The following KCNN4 variants were observed in gnomAD, a reference collection of about 807,000 sequenced individuals.
KCNN4 encodes the protein intermediate conductance calcium-activated potassium channel protein 4.
Under a neutral mutation model 45.2 loss-of-function variants are expected in KCNN4, and 31 were observed. That is an observed-to-expected ratio of 0.69 (90% CI 0.52 to 0.92). The LOEUF (loss-of-function observed/expected upper bound fraction) is 0.92, where lower values mean the gene tolerates loss of function less well. KCNN4 is among the 40% of genes least tolerant of loss of function. The pLI is 0.00. For synonymous variants in KCNN4, 231 were observed against 254.6 expected (o/e 0.91, Z 0.88); for missense variants, 463 against 574.0 (o/e 0.81, Z 1.98).
At chr19:43,779,851 C>T (rs1568396516) in intron 1 of KCNN4, among the ~76,000 whole-genome samples, 1 of 152,146 alleles carries the variant, frequency 6.6e-6, no homozygotes, top group Non-Finnish European at 1.5e-5. Context: ...GTAAGCCTAC[C>T]TCTCCACTAT....
At chr19:43,776,492 C>G (rs375169699) in intron 2 of KCNN4, 49 bp downstream of exon 2, 1 of 1,256,018 alleles carries the variant, frequency 8.0e-7, no homozygotes, top group African/African-American at 1.5e-5. Flanking sequence ...GCTGACAGGG[C>G]GCTGAGGGGG....
intron 2 of KCNN4, among the ~76,000 whole-genome samples, chr19:43,775,121 T>A (rs1198467501): frequency 6.6e-6 from 1 of 151,708 alleles, no homozygotes; most frequent in Non-Finnish European, 1.5e-5. Flanking sequence ...AGGTCAAGAG[T>A]TTGAGACAAG....
intron 2 of KCNN4, among the ~76,000 whole-genome samples, chr19:43,775,303 G>A (rs1415739458): frequency 1.3e-5 from 2 of 152,164 alleles, no homozygotes; most frequent in Non-Finnish European, 2.9e-5. Context: ...CTCTAGCCTG[G>A]GTGACAGAGC....
In KCNN4 at chr19:43,776,688, TG is replaced by T. The variant is rs1433564305; in HGVS notation, c.160-53del. The T allele has an allele frequency of 4.4e-6, 5 of 1,143,992 alleles. No individual in the cohort carries two copies. In the South Asian group the frequency reaches 6.2e-5, roughly 14 times the overall value. The allele number at this position is 1,143,992 out of a possible 1,614,324, so 70.9% of individuals were successfully genotyped here. A position where few individuals can be genotyped will look rare whatever the true frequency, so the allele number is the denominator to read the frequency against. On this transcript the variant is annotated intron_variant, in intron 1 of 8. Coordinates refer to ENST00000648319, the MANE Select transcript of KCNN4 (RefSeq NM_002250.3). ...GTGAGATCCCAGGTCTCCCTCCGCC[TG>T]GCCCTCCACCTTTCCTTCAAAACCA...
intron 4 of KCNN4, among the ~76,000 whole-genome samples, chr19:43,770,646 TC>T (rs1185398123): frequency 6.6e-6 from 1 of 152,198 alleles, no homozygotes; most frequent in Non-Finnish European, 1.5e-5. Context: ...ATTTAATCTC[TC>T]AGTATTTCAG....
chr19:43,777,620 G>A (rs114588226), intron 1 of KCNN4, among the ~76,000 whole-genome samples: 54 of 151,100 alleles, frequency 3.6e-4, no homozygotes, highest in African/African-American at 1.3e-3. Context: ...CTAAGCCCAG[G>A]GCAGATCTGG....
At position 43,774,656 on chromosome 19, in the gene KCNN4, C is replaced by T; in HGVS notation, c.256-37G>A. On this transcript the variant is annotated intron_variant, in intron 2 of 8. Coordinates refer to ENST00000648319, the MANE Select transcript of KCNN4 (RefSeq NM_002250.3). The surrounding 1 kb of genome is among the most constrained non-coding windows in gnomAD (Gnocchi z 5.6). ...GGGCCAAGAAGGGAGGGGTCAGGAG[C>T]AGGTCAGGCGCAGGTCAGGCGGCGG... 3 of 1,467,874 alleles carry T rather than the reference C, an allele frequency of 2.0e-6. No homozygotes were observed. The highest frequency in any genetic ancestry group is 2.7e-6 in the Non-Finnish European group (3 of 1,117,942). The allele number at this position is 1,467,874 out of a possible 1,614,324, so 90.9% of individuals were successfully genotyped here.
At position 43,774,185 on chromosome 19, in the gene KCNN4, C is replaced by T. The variant is rs777704100; in HGVS notation, c.683+7G>A. 2.5e-6 allele frequency: 4 copies of T among 1,607,150 alleles called. No homozygotes were observed. The highest frequency in any genetic ancestry group is 1.7e-4 in the Middle Eastern group (1 of 6,042). The stretch of plus-strand genomic sequence containing the variant: ...CCCCTGCGCATTTATGCCTCCATCA[C>T]CCTCACCTCTCGGCCACGGACAGCA... On this transcript the variant is annotated splice_region_variant and intron_variant, in intron 3 of 8. Transcript: ENST00000648319. The surrounding 1 kb of genome is among the most constrained non-coding windows in gnomAD (Gnocchi z 5.6).
intron 8 of KCNN4, 180 bp from the exon 9 acceptor site, chr19:43,767,269 G>A (rs1969505432): frequency 4.6e-6 from 2 of 431,382 alleles, no homozygotes; most frequent in Admixed American, 3.5e-5. Flanking sequence ...TGGACAGCCA[G>A]ACAATGTGCC....
rs1385578044 is a variant in KCNN4, at chr19:43,772,140, G to A, written c.684-5C>T. 6.2e-7 allele frequency: 1 copy of A among 1,613,312 alleles called. No homozygotes were observed. The highest frequency in any genetic ancestry group is 1.7e-5 in the Admixed American group (1 of 59,822). On this transcript the variant is annotated splice_polypyrimidine_tract_variant and splice_region_variant and intron_variant, in intron 3 of 8. Coordinates refer to ENST00000648319, the MANE Select transcript of KCNN4 (RefSeq NM_002250.3). The surrounding 1 kb of genome is among the most constrained non-coding windows in gnomAD (Gnocchi z 4.4). ...CCAGTGGCATTAACAGCCTGCCTAT[G>A]GGGAAGGGTAGGTTAGTTCTAAAAC...
chr19:43,768,928 C>T lies in KCNN4; in HGVS notation c.1119+35G>A, dbSNP rs762218576. ...CCCTCCCTGTGGCCCCAACCTCCCC[C>T]TTCTTCAAGACCTCCTCCCACGGGA... On this transcript the variant is annotated intron_variant, in intron 7 of 8. Transcript: ENST00000648319. 4.3e-6 allele frequency: 7 copies of T among 1,611,768 alleles called. No homozygotes were observed. The East Asian group carries it at 6.7e-5, about 15-fold the overall frequency.
rs763598158 is a variant in KCNN4, at chr19:43,769,487, T to G, written c.1004A>C (p.His335Pro). 4 of 1,614,094 alleles carry G rather than the reference T, an allele frequency of 2.5e-6. No homozygotes were observed. In the East Asian group the frequency reaches 8.9e-5, roughly 36 times the overall value. Residue 335 changes from histidine (H) to proline (P), a missense_variant, in exon 6 of 9, where the codon CAT becomes CCT. Around this residue, in one of 3 missense-constraint regions of KCNN4, gnomAD observed 129 missense variants for 149.4 expected, o/e 0.86. Coordinates refer to ENST00000648319, the MANE Select transcript of KCNN4 (RefSeq NM_002250.3). The surrounding 1 kb of genome is among the most constrained non-coding windows in gnomAD (Gnocchi z 4.4). ...FYKHTRRKES[H>P]AARRHQRKLL... ...CTTGCGCTGATGCCTGCGGGCAGCA[T>G]GAGACTCCTTCCTGCGAGTATGTTT... is the stretch of plus-strand genomic sequence containing the variant.
intron 8 of KCNN4, 41 bp from the exon 9 acceptor site, chr19:43,767,130 G>T (rs1479257347): frequency 4.9e-6 from 1 of 206,144 alleles, no homozygotes; most frequent in African/African-American, 2.2e-5. Flanking sequence ...AGGCCAGGAA[G>T]AGGGAGAGTG....
rs1969740164 is a variant in KCNN4, at chr19:43,774,528, C to T, written c.347G>A (p.Gly116Glu). The change falls in exon 3 of 9, where the codon GGG (glycine) becomes GAG (glutamate). Residue 116 changes from glycine (G) to glutamate (E), a missense_variant. Transcript: ENST00000648319. This position sits in a 1 kb window ranked among gnomAD's most constrained non-coding sequence, Gnocchi z 5.6. ...GCCCCGCACGGGCGCCGGGTGCAGCCCACACACCACCAGCTCCAGCACGAT... is the reference window on the plus strand; with the variant it reads ...GCCCCGCACGGGCGCCGGGTGCAGCTCACACACCACCAGCTCCAGCACGAT... ...AQIVLELVVC[G>E]LHPAPVRGPP... is the part of the protein sequence containing the mutation. The T allele has an allele frequency of 6.3e-7, 1 of 1,595,828 alleles. No homozygotes were observed. Among genetic ancestry groups the T allele is most frequent in the Non-Finnish European group, 8.5e-7 (1 of 1,175,812 alleles).
At position 43,769,008 on chromosome 19, in the gene KCNN4, G is replaced by C. The variant is rs748482819; in HGVS notation, c.1074C>G (p.His358Gln). ...AGTTCACTTGTTCCCGGAGCTTCCGGTGTTTCAGCCGCACCTGGCGGAACC... is the reference window on the plus strand; with the variant it reads ...AGTTCACTTGTTCCCGGAGCTTCCGCTGTTTCAGCCGCACCTGGCGGAACC... ...INAFRQVRLK[H>Q]RKLREQVNSM... is the part of the protein sequence containing the mutation. Residue 358 changes from histidine (H) to glutamine (Q), a missense_variant, in exon 7 of 9, where the codon CAC (histidine) becomes CAG (glutamine). Transcript: ENST00000648319. This position sits in a 1 kb window ranked among gnomAD's most constrained non-coding sequence, Gnocchi z 4.4. 3.1e-6 allele frequency: 5 copies of C among 1,613,990 alleles called. No homozygotes were observed. Among genetic ancestry groups the C allele is most frequent in the Non-Finnish European group, 4.2e-6 (5 of 1,179,956 alleles).
At chr19:43,776,061 G>A (rs1371070161) in intron 2 of KCNN4, among the ~76,000 whole-genome samples, 1 of 150,140 alleles carries the variant, frequency 6.7e-6, no homozygotes, top group African/African-American at 2.5e-5. Context: ...CCAGGAGGTG[G>A]AGGTTGCAGT....
rs142498370 is a variant in KCNN4 at position 43,769,245 on chromosome 19, C to T, written c.1049+197G>A. Reference sequence around the variant, plus strand: ...CAGGTACCCAGGTCCGCAGACACACCGAGATATGCGGAGACAAACCAGCAC... The same window carrying T: ...CAGGTACCCAGGTCCGCAGACACACTGAGATATGCGGAGACAAACCAGCAC... On this transcript the variant is annotated intron_variant, in intron 6 of 8. Coordinates refer to ENST00000648319, the MANE Select transcript of KCNN4 (RefSeq NM_002250.3). This position sits in a 1 kb window ranked among gnomAD's most constrained non-coding sequence, Gnocchi z 4.4. 269 of 670,310 alleles carry T rather than the reference C, an allele frequency of 4.0e-4. 2 individuals carry two copies. The highest frequency in any genetic ancestry group is 3.9e-3 in the African/African-American group (215 of 55,712). 41.5% of individuals were successfully genotyped at this position (670,310 alleles called of 1,614,324 possible).
At chr19:43,767,307 C>T in intron 8 of KCNN4, 2 of 534,870 alleles carry the variant, frequency 3.7e-6, no homozygotes, top group Admixed American at 6.2e-5. Context: ...GAGAGAGAGA[C>T]CAAGCAAAGA....
rs631765 is a variant in KCNN4, at chr19:43,772,975, C to T, written c.684-840G>A. Among the ~76,000 whole-genome samples, 470 of 152,300 alleles carry T rather than the reference C, an allele frequency of 3.1e-3. 4 individuals carry two copies. The highest frequency in any genetic ancestry group is 0.011 in the African/African-American group (439 of 41,548). On this transcript the variant is annotated intron_variant, in intron 3 of 8. Coordinates refer to ENST00000648319, the MANE Select transcript of KCNN4 (RefSeq NM_002250.3). This position sits in a 1 kb window ranked among gnomAD's most constrained non-coding sequence, Gnocchi z 4.4. ...CATTAATCCTGATTCTGACCAATTT[C>T]CCAATTGTGAAAACTAAGATCCTGG...
Sources: gnomAD v4.1 joint callset for allele counts (sites outside exome capture counted in the v4.1 genomes callset) on GRCh38, gnomAD v4.1.1 for gene constraint, gnomAD v4.1.1 regional missense constraint, Gnocchi (gnomAD v3.1) non-coding constraint, MANE v1.5 for transcripts, NCBI Gene and HGNC (gene_info 2026-07-23, HGNC 2026-07-21) for gene names.